Variants in SLC38A6 observed in about 807,000 individuals in gnomAD.
The protein encoded by SLC38A6 is N system amino acid transporter NAT-1.
Under a neutral mutation model 65.0 loss-of-function variants are expected in SLC38A6, and 73 were observed. That is an observed-to-expected ratio of 1.12 (90% CI 0.93 to 1.37). The LOEUF is 1.37. Ranked by LOEUF, SLC38A6 falls within the 40% of genes most tolerant of loss-of-function variation. The pLI is 0.00. For synonymous variants in SLC38A6, 183 were observed against 178.8 expected, an observed-to-expected ratio of 1.02 and a Z score of -0.19; for missense variants, 561 against 531.1, an observed-to-expected ratio of 1.06 and a Z score of -0.55.
Position 60,981,488 on chromosome 14 carries a change from G to GCTGGAGC in SLC38A6, c.105+110_105+116dup, listed in dbSNP as rs1374157535. ...AGGACCGCACCGGGACAGGGGAGAT[G>GCTGGAGC]CTGGAGCCTGAACCCTGGGGGATGG... On this transcript the variant is annotated intron_variant, in intron 1 of 15. Coordinates refer to ENST00000267488, the MANE Select transcript of SLC38A6 (RefSeq NM_153811.3). The GCTGGAGC allele has an allele frequency of 2.0e-6, 3 of 1,537,260 alleles. No homozygotes were observed. The East Asian group carries it at 7.4e-5, about 38-fold the overall frequency.
At chr14:60,988,834 T>C (rs1016393245) in intron 3 of SLC38A6, among the ~76,000 whole-genome samples, 1 of 152,236 alleles carries the variant, frequency 6.6e-6, no homozygotes, top group African/African-American at 2.4e-5. Flanking sequence ...CCAACCATAG[T>C]TAAATATAAC....
chr14:60,992,654 G>T (rs1485088814), intron 3 of SLC38A6, among the ~76,000 whole-genome samples: 1 of 151,680 alleles, frequency 6.6e-6, no homozygotes, highest in Non-Finnish European at 1.5e-5. Context: ...ATATAATAAT[G>T]TTGCTCCCTC....
chr14:61,015,577 C>T lies in SLC38A6; in HGVS notation c.311-327C>T, dbSNP rs561108494. 5.9e-5 allele frequency among the ~76,000 whole-genome samples: 9 copies of T among 152,074 alleles called. No individual in the cohort carries two copies. In the South Asian group the frequency reaches 6.2e-4, roughly 11 times the overall value. On this transcript the variant is annotated intron_variant, in intron 3 of 15. Coordinates refer to ENST00000267488, the MANE Select transcript of SLC38A6 (RefSeq NM_153811.3). The stretch of plus-strand genomic sequence containing the variant: ...GGTGATTTTCTTAAAAAGTAAAAAC[C>T]GTCACTACTGAGAAAAAGACATGTT...
intron 12 of SLC38A6, among the ~76,000 whole-genome samples, chr14:61,046,386 T>C (rs1031539789): frequency 5.9e-5 from 9 of 152,168 alleles, no homozygotes; most frequent in South Asian, 2.1e-4. Context: ...CTTATGAAAA[T>C]TTTCTTAAAC....
At chr14:60,982,375 A>T in intron 1 of SLC38A6, 133 bp from the exon 2 acceptor site, 1 of 1,121,626 alleles carries the variant, frequency 8.9e-7, no homozygotes. Context: ...AGTGTTGGTT[A>T]AGCAACGAGT....
chr14:61,043,490 A>G lies in SLC38A6; in HGVS notation c.731A>G (p.His244Arg), dbSNP rs1434144267. Residue 244 changes from histidine to arginine, a missense_variant, in exon 10 of 16, where the codon CAT becomes CGT. His to Arg is a conservative substitution (Grantham distance 29, BLOSUM62 0). Transcript: ENST00000267488. ...VTDDCKPKLFHFSKESAYALP... is the reference protein window; with the variant it reads ...VTDDCKPKLFRFSKESAYALP... ...GATGATTGTAAGCCAAAGCTCTTTC[A>G]TTTCTCCAAAGAGGTGTGTAAGTTA... The G allele has an allele frequency of 6.2e-7, 1 of 1,607,234 alleles. No individual in the cohort carries two copies. Among genetic ancestry groups the G allele is most frequent in the African/African-American group, 1.3e-5 (1 of 74,570 alleles).
At chr14:60,984,886 C>T in intron 3 of SLC38A6, 83 bp downstream of exon 3, 2 of 1,283,316 alleles carry the variant, frequency 1.6e-6, no homozygotes, top group African/African-American at 1.5e-5. Flanking sequence ...TGTCTCAAAT[C>T]TAATATCCAG....
intron 16 of SLC38A6, among the ~76,000 whole-genome samples, chr14:61,083,336 T>A (rs945998218): frequency 2.6e-5 from 4 of 152,200 alleles, no homozygotes; most frequent in African/African-American, 7.2e-5. Flanking sequence ...AACCTCCACC[T>A]CCTCTTGCCC....
chr14:61,052,414 T>A lies in SLC38A6; in HGVS notation c.1356T>A (p.Asp452Glu), dbSNP rs766873599. ...TTAGTTTAGCACTCATCATTTTTGA[T>A]TGGATTAATAAATAAAAGAAATATT... is the stretch of plus-strand genomic sequence containing the variant. ...GNFSLALIIF[D>E]WINK Residue 452 changes from aspartate (D) to glutamate (E), a missense_variant, in exon 16 of 16, where the codon GAT becomes GAA. Transcript: ENST00000267488. 6.4e-7 allele frequency: 1 copy of A among 1,568,432 alleles called. No individual in the cohort carries two copies. The highest frequency in any genetic ancestry group is 8.6e-7 in the Non-Finnish European group (1 of 1,160,802).
intron 15 of SLC38A6, among the ~76,000 whole-genome samples, chr14:61,067,983 A>G (rs944547510): frequency 2.0e-5 from 3 of 152,110 alleles, no homozygotes; most frequent in Non-Finnish European, 4.4e-5. Flanking sequence ...CGCTATCAGT[A>G]TTTCTCTTGA....
At chr14:61,006,241 G>A (rs1376239850) in intron 3 of SLC38A6, among the ~76,000 whole-genome samples, 1 of 152,160 alleles carries the variant, frequency 6.6e-6, no homozygotes, top group Non-Finnish European at 1.5e-5. Flanking sequence ...GAAAACTTAG[G>A]CATTACCATT....
intron 12 of SLC38A6, among the ~76,000 whole-genome samples, chr14:61,047,974 GATACATACATACA>G (rs2042257752): frequency 1.3e-5 from 1 of 77,068 alleles, no homozygotes; most frequent in Non-Finnish European, 2.7e-5. Context: ...TAGATAGATA[GATACATACATACA>G]TACATACATA....
At chr14:61,071,251 A>T (rs1325318947) in intron 15 of SLC38A6, among the ~76,000 whole-genome samples, 1 of 152,154 alleles carries the variant, frequency 6.6e-6, no homozygotes, top group Non-Finnish European at 1.5e-5. Flanking sequence ...TTCAAATGTT[A>T]TCTTTGTATA....
intron 3 of SLC38A6, among the ~76,000 whole-genome samples, chr14:60,992,300 T>C (rs1272275334): frequency 6.6e-6 from 1 of 152,194 alleles, no homozygotes; most frequent in Non-Finnish European, 1.5e-5. Context: ...CTTTCATCTT[T>C]AATGGCTCAA....
intron 10 of SLC38A6, among the ~76,000 whole-genome samples, chr14:61,044,399 T>C (rs28490997): frequency 2.0e-3 from 301 of 152,254 alleles, no homozygotes; most frequent in African/African-American, 7.0e-3. Flanking sequence ...AAGATCTAGG[T>C]AGGATAATTG....
At chr14:60,983,298 C>T (rs1251274902) in intron 2 of SLC38A6, among the ~76,000 whole-genome samples, 1 of 152,128 alleles carries the variant, frequency 6.6e-6, no homozygotes, top group Non-Finnish European at 1.5e-5. Flanking sequence ...TGAGACCAAC[C>T]TGGGCAAGAT....
chr14:61,041,837 T>G (rs1594712145), intron 8 of SLC38A6, among the ~76,000 whole-genome samples: 1 of 151,894 alleles, frequency 6.6e-6, no homozygotes, highest in African/African-American at 2.4e-5. Flanking sequence ...GAGGTGGAGG[T>G]TGCAGTGAGC....
At chr14:61,040,264 C>T (rs954719098) in intron 8 of SLC38A6, among the ~76,000 whole-genome samples, 3 of 151,756 alleles carry the variant, frequency 2.0e-5, no homozygotes, top group Non-Finnish European at 4.4e-5. Context: ...CTCAAACTGC[C>T]GGGCTTAGGT....
At chr14:61,034,469 A>G (rs2041215071) in intron 6 of SLC38A6, among the ~76,000 whole-genome samples, 2 of 152,132 alleles carry the variant, frequency 1.3e-5, no homozygotes, top group African/African-American at 2.4e-5. Flanking sequence ...AAACTAACAG[A>G]TGGAATCTCC....
Sources: gnomAD v4.1 joint callset for allele counts (sites outside exome capture counted in the v4.1 genomes callset) on GRCh38, gnomAD v4.1.1 for gene constraint, MANE v1.5 for transcripts, NCBI Gene and HGNC (gene_info 2026-07-23, HGNC 2026-07-21) for gene names.